Variants in CCSER1 observed in about 807,000 individuals in gnomAD.
CCSER1 encodes the protein serine-rich coiled-coil domain-containing protein 1.
In CCSER1, 41 loss-of-function variants were observed where a neutral mutation model predicts 82.0. The observed-to-expected ratio is 0.50, with a 90% CI of 0.39 to 0.65. The LOEUF is 0.65. CCSER1 is among the 30% of genes least tolerant of loss of function. The probability of loss-of-function intolerance (pLI) is 0.00; values close to 1 mark genes in which losing one functional copy is unlikely to be tolerated. For missense variants in CCSER1, 1,119 were observed against 1,064.2 expected (o/e 1.05, Z -0.72); for synonymous variants, 414 against 383.9 (o/e 1.08, Z -0.92).
At chr4:90,560,430 G>A (rs1298490171) in intron 5 of CCSER1, among the ~76,000 whole-genome samples, 2 of 151,972 alleles carry the variant, frequency 1.3e-5, no homozygotes, top group African/African-American at 4.8e-5. Flanking sequence ...TAATTTTACC[G>A]GTTGGCTCCA....
rs189573687 is a variant in CCSER1 at position 90,806,706 on chromosome 4, T to A, written c.2011-9056T>A. 7.9e-5 allele frequency among the ~76,000 whole-genome samples: 12 copies of A among 152,156 alleles called. No homozygotes were observed. The South Asian group carries it at 1.7e-3, about 21-fold the overall frequency. ...TATTCATGAGGCACTCCCCAACCAA[T>A]GAGTGAACAAGGGAGTAGTACAAGA... is the stretch of plus-strand genomic sequence containing the variant. On this transcript the variant is annotated intron_variant, in intron 7 of 10. Coordinates refer to ENST00000509176, the MANE Select transcript of CCSER1 (RefSeq NM_001145065.2).
chr4:90,251,229 T>G (rs1435845835), intron 1 of CCSER1, among the ~76,000 whole-genome samples: 1 of 151,900 alleles, frequency 6.6e-6, no homozygotes, highest in Non-Finnish European at 1.5e-5. Context: ...AATTTTTACT[T>G]TTTGCCTACT....
At chr4:90,289,790 G>C (rs1730581003) in intron 1 of CCSER1, among the ~76,000 whole-genome samples, 1 of 151,720 alleles carries the variant, frequency 6.6e-6, no homozygotes. Flanking sequence ...TTTATCCTTT[G>C]CTTCCCTTTA....
chr4:90,238,871 G>A (rs563065639), intron 1 of CCSER1, among the ~76,000 whole-genome samples: 125 of 149,850 alleles, frequency 8.3e-4, no homozygotes, highest in Admixed American at 1.9e-3. Flanking sequence ...TTTTTTTTGA[G>A]ACAGAGTCTC....
At chr4:90,767,126 C>T (rs566025702) in intron 7 of CCSER1, among the ~76,000 whole-genome samples, 2 of 152,224 alleles carry the variant, frequency 1.3e-5, no homozygotes, top group South Asian at 2.1e-4. Flanking sequence ...ACAGTGTTTG[C>T]CAACAAAGCC....
chr4:90,702,365 TCA>T, intron 6 of CCSER1, among the ~76,000 whole-genome samples: 1 of 152,304 alleles, frequency 6.6e-6, no homozygotes, highest in East Asian at 1.9e-4. Flanking sequence ...GCTGCTGGAT[TCA>T]GTTTGCCAGT....
At chr4:91,151,772 A>G (rs1375578372) in intron 10 of CCSER1, among the ~76,000 whole-genome samples, 1 of 152,182 alleles carries the variant, frequency 6.6e-6, no homozygotes, top group Non-Finnish European at 1.5e-5. Flanking sequence ...GTTTCCATGT[A>G]GTTGAGGGGT....
chr4:91,000,209 G>A (rs1427032447), intron 9 of CCSER1, among the ~76,000 whole-genome samples: 2 of 142,488 alleles, frequency 1.4e-5, no homozygotes, highest in Admixed American at 7.4e-5. Flanking sequence ...GTATAGTATA[G>A]TATAGTATAG....
chr4:91,367,147 A>AAG lies in CCSER1; in HGVS notation c.2218-231424_2218-231423insGA, dbSNP rs1345238404. Among the ~76,000 whole-genome samples the AAG allele has an allele frequency of 3.2e-4, 48 of 148,774 alleles. 1 individual carries two copies. Among genetic ancestry groups the AAG allele is most frequent in the Middle Eastern group, 3.5e-3 (1 of 286 alleles). On this transcript the variant is annotated intron_variant, in intron 10 of 10. Coordinates refer to ENST00000509176, the MANE Select transcript of CCSER1 (RefSeq NM_001145065.2). ...CATCTCTCCAAAAAAAAAAAAAAAA[A>AAG]AAAGAGAAAAAAATGCAAAGTTCGC... is the stretch of plus-strand genomic sequence containing the variant.
At chr4:90,605,624 C>T (rs1784605717) in intron 5 of CCSER1, among the ~76,000 whole-genome samples, 2 of 152,118 alleles carry the variant, frequency 1.3e-5, no homozygotes, top group South Asian at 2.1e-4. Flanking sequence ...TCTGTCTAGT[C>T]CTAATGCAGA....
At chr4:91,390,924 C>T (rs1242960100) in intron 10 of CCSER1, among the ~76,000 whole-genome samples, 1 of 151,952 alleles carries the variant, frequency 6.6e-6, no homozygotes, top group Non-Finnish European at 1.5e-5. Flanking sequence ...GTTATATCTC[C>T]TATCTCACTT....
chr4:91,527,610 G>A (rs1206940294), intron 10 of CCSER1, among the ~76,000 whole-genome samples: 1 of 152,168 alleles, frequency 6.6e-6, no homozygotes, highest in Non-Finnish European at 1.5e-5. Flanking sequence ...TATGGAGACA[G>A]ATATAACAGT....
intron 9 of CCSER1, among the ~76,000 whole-genome samples, chr4:90,964,333 G>A (rs1382999778): frequency 4.6e-5 from 7 of 151,962 alleles, no homozygotes; most frequent in Non-Finnish European, 1.0e-4. Flanking sequence ...GAACTGCCTG[G>A]TAATAGAGAA....
chr4:90,901,229 C>CT (rs993773439), intron 8 of CCSER1, among the ~76,000 whole-genome samples: 9 of 150,446 alleles, frequency 6.0e-5, no homozygotes, highest in African/African-American at 2.0e-4. Flanking sequence ...TTGGGTCTCT[C>CT]TTTTTTTTTA....
chr4:91,002,294 A>G (rs1404951673), intron 9 of CCSER1, among the ~76,000 whole-genome samples: 6 of 152,216 alleles, frequency 3.9e-5, no homozygotes, highest in Non-Finnish European at 8.8e-5. Flanking sequence ...TTGGATGTCT[A>G]GGTCTCTGGC....
chr4:91,027,147 GTTAAGTT>G (rs1280774080), intron 9 of CCSER1, among the ~76,000 whole-genome samples: 1 of 151,996 alleles, frequency 6.6e-6, no homozygotes, highest in African/African-American at 2.4e-5. Context: ...GATGCTCCAA[GTTAAGTT>G]TTAATTTCAG....
chr4:90,388,007 T>C (rs1333257472), intron 3 of CCSER1, among the ~76,000 whole-genome samples: 3 of 152,192 alleles, frequency 2.0e-5, no homozygotes, highest in Non-Finnish European at 4.4e-5. Context: ...GCTCTCAGAC[T>C]TTGAGTTTGG....
At chr4:91,390,577 T>A (rs2149349065) in intron 10 of CCSER1, among the ~76,000 whole-genome samples, 1 of 151,906 alleles carries the variant, frequency 6.6e-6, no homozygotes, top group South Asian at 2.1e-4. Flanking sequence ...ACCCTAGAAC[T>A]TAAAGTATTT....
intron 10 of CCSER1, among the ~76,000 whole-genome samples, chr4:91,474,526 A>G (rs1016970151): frequency 3.3e-5 from 5 of 151,350 alleles, no homozygotes; most frequent in Admixed American, 6.6e-5. Context: ...GATTACATCA[A>G]TTTTTTAAAT....
Sources: allele counts gnomAD v4.1 joint callset (sites outside exome capture counted in the v4.1 genomes callset), GRCh38; gene constraint gnomAD v4.1.1; transcripts MANE v1.5; gene names NCBI Gene and HGNC (gene_info 2026-07-23, HGNC 2026-07-21).